Variants in MACROD1 observed in about 807,000 individuals in gnomAD.
MACROD1 encodes mono-ADP ribosylhydrolase 1, also known as ADP-ribose glycohydrolase MACROD1.
A neutral mutation model predicts 41.4 loss-of-function variants in MACROD1; 31 were observed. That is an observed-to-expected ratio of 0.75 (90% confidence interval 0.56 to 1.01). The LOEUF is 1.01. MACROD1 is among the 50% of genes least tolerant of loss of function. The probability of loss-of-function intolerance (pLI) is 0.00; values close to 1 mark genes in which losing one functional copy is unlikely to be tolerated. For synonymous variants in MACROD1, 252 were observed against 203.4 expected (o/e 1.24, Z -2.03); for missense variants, 473 against 460.0 (o/e 1.03, Z -0.26).
At position 63,999,535 on chromosome 11, in the gene MACROD1, A is replaced by G. The variant is rs948363206; in HGVS notation, c.812T>C (p.Val271Ala). The G allele has an allele frequency of 6.2e-7, 1 of 1,607,936 alleles. No homozygotes were observed. The highest frequency in any genetic ancestry group is 1.3e-5 in the African/African-American group (1 of 74,640). Reference sequence around the variant, plus strand: ...TGCCTTTCTTCCAGACTCACCAAACACGCCGGTGGAGATGCAGGGGAACGC... The same window carrying G: ...TGCCTTTCTTCCAGACTCACCAAACGCGCCGGTGGAGATGCAGGGGAACGC... ...SVAFPCISTG[V>A]FGYPCEAAAE... Residue 271 changes from valine (V) to alanine (A), a missense_variant, in exon 7 of 11, where the codon GTG becomes GCG. Coordinates refer to ENST00000255681, the MANE Select transcript of MACROD1 (RefSeq NM_014067.4).
chr11:64,017,643 C>T (rs760800280), intron 3 of MACROD1, among the ~76,000 whole-genome samples: 5 of 152,082 alleles, frequency 3.3e-5, no homozygotes, highest in South Asian at 2.1e-4. Flanking sequence ...GCTGCAGAGG[C>T]GAGGGCTGGG....
intron 3 of MACROD1, among the ~76,000 whole-genome samples, chr11:64,150,180 C>T (rs1290305569): frequency 1.3e-5 from 2 of 152,238 alleles, no homozygotes; most frequent in African/African-American, 4.8e-5. Flanking sequence ...AGGCCCGGGG[C>T]GGCCGAGTGA....
chr11:64,001,575 A>G (rs1942826453), intron 4 of MACROD1: 1 of 702,212 alleles, frequency 1.4e-6, no homozygotes, highest in African/African-American at 1.7e-5. Flanking sequence ...GGGCACAATT[A>G]AACCTCATTC....
chr11:64,108,659 C>T (rs976965967), intron 3 of MACROD1, among the ~76,000 whole-genome samples: 6 of 152,236 alleles, frequency 3.9e-5, no homozygotes, highest in Non-Finnish European at 5.9e-5. Flanking sequence ...GTCCCACTGG[C>T]CTTTCCCGCT....
chr11:64,117,507 G>T, intron 3 of MACROD1: 1 of 1,609,016 alleles, frequency 6.2e-7, no homozygotes, highest in Non-Finnish European at 8.5e-7. Context: ...TACCCTCAAG[G>T]CCAAAAGGCC....
intron 3 of MACROD1, among the ~76,000 whole-genome samples, chr11:64,102,882 T>C (rs982839868): frequency 2.6e-5 from 4 of 151,744 alleles, no homozygotes; most frequent in African/African-American, 9.7e-5. Flanking sequence ...ATCTGGCCAA[T>C]ATGGTGAAAC....
At chr11:64,093,354 C>T (rs7926637) in intron 3 of MACROD1, among the ~76,000 whole-genome samples, 45,824 of 152,166 alleles carry the variant, frequency 0.3, 8,767 homozygotes, top group Middle Eastern at 0.47. Flanking sequence ...TAAGAGCTCA[C>T]GGCCCATTGG....
At chr11:64,006,578 TTCA>T (rs1445911142) in intron 4 of MACROD1, among the ~76,000 whole-genome samples, 2 of 152,230 alleles carry the variant, frequency 1.3e-5, no homozygotes, top group Non-Finnish European at 2.9e-5. Context: ...CAGTGCCTCA[TTCA>T]TCATGCAAAA....
chr11:64,165,680 C>A lies in MACROD1; in HGVS notation c.298+17G>T. The stretch of plus-strand genomic sequence containing the variant: ...GAGGCCGCCCTCTCCCTCGCGCCCC[C>A]TCGTGCTTACACTTACATTTCGCCT... On this transcript the variant is annotated intron_variant, in intron 1 of 10. Coordinates refer to ENST00000255681, the MANE Select transcript of MACROD1 (RefSeq NM_014067.4). 2.8e-6 allele frequency: 4 copies of A among 1,405,188 alleles called. No homozygotes were observed. The highest frequency in any genetic ancestry group is 1.5e-5 in the African/African-American group (1 of 67,328). The allele number at this position is 1,405,188 out of a possible 1,614,324, so 87.0% of individuals were successfully genotyped here. A position where few individuals can be genotyped will look rare whatever the true frequency, so the allele number is the denominator to read the frequency against.
chr11:64,001,337 G>T, intron 4 of MACROD1: 2 of 668,820 alleles, frequency 3.0e-6, no homozygotes, highest in South Asian at 1.6e-5. Context: ...CGTGCTGGCC[G>T]GGAGGACAGG....
chr11:64,135,186 C>T (rs777520091), intron 3 of MACROD1, among the ~76,000 whole-genome samples: 10 of 152,228 alleles, frequency 6.6e-5, no homozygotes, highest in South Asian at 2.1e-4. Context: ...CTGGCATACC[C>T]GGGCATCGCA....
intron 3 of MACROD1, among the ~76,000 whole-genome samples, chr11:64,030,233 C>T (rs1442716512): frequency 1.3e-5 from 2 of 151,536 alleles, no homozygotes; most frequent in South Asian, 2.1e-4. Flanking sequence ...GTGCATCTGG[C>T]CCCCCAGAAC....
intron 3 of MACROD1, among the ~76,000 whole-genome samples, chr11:64,142,766 G>GC (rs1328118011): frequency 6.6e-6 from 1 of 152,060 alleles, no homozygotes; most frequent in African/African-American, 2.4e-5. Flanking sequence ...ATCCTGACTG[G>GC]CCCCCCTGAT....
intron 3 of MACROD1, among the ~76,000 whole-genome samples, chr11:64,135,208 G>T (rs1208622125): frequency 6.6e-6 from 1 of 152,252 alleles, no homozygotes; most frequent in African/African-American, 2.4e-5. Flanking sequence ...AGGACAGAAT[G>T]ACTCTCGCCA....
chr11:64,064,949 G>A lies in MACROD1; in HGVS notation c.518-49668C>T, dbSNP rs1943969708. On this transcript the variant is annotated intron_variant, in intron 3 of 10. Coordinates refer to ENST00000255681, the MANE Select transcript of MACROD1 (RefSeq NM_014067.4). This position sits in a 1 kb window ranked among gnomAD's most constrained non-coding sequence, Gnocchi z 4.5. Reference sequence around the variant, plus strand: ...AGGCAGGAGGGCCACCATGGTGACTGAGACAGACTCAGGGTCTTTCCCTAC... The same window carrying A: ...AGGCAGGAGGGCCACCATGGTGACTAAGACAGACTCAGGGTCTTTCCCTAC... Among the ~76,000 whole-genome samples, 1 of 151,278 alleles carries A rather than the reference G, an allele frequency of 6.6e-6. No individual in the cohort carries two copies. The highest frequency in any genetic ancestry group is 1.5e-5 in the Non-Finnish European group (1 of 67,788).
chr11:64,130,399 T>A (rs1040109205), intron 3 of MACROD1, among the ~76,000 whole-genome samples: 1 of 152,144 alleles, frequency 6.6e-6, no homozygotes, highest in Non-Finnish European at 1.5e-5. Context: ...TGCCCTTACC[T>A]GGCTACCACT....
rs1257139287 is a variant in MACROD1, at chr11:63,999,559, G to A, written c.788C>T (p.Ala263Val). The A allele has an allele frequency of 6.2e-7, 1 of 1,610,114 alleles. No homozygotes were observed. The highest frequency in any genetic ancestry group is 1.3e-5 in the African/African-American group (1 of 75,022). ...LLLEHRLRSV[A>V]FPCISTGVFG... ...CACGCCGGTGGAGATGCAGGGGAAC[G>A]CCTGGGCGGGGAGGGGTGAGAGGGG... is the stretch of plus-strand genomic sequence containing the variant. The change falls in exon 7 of 11, where the codon GCG (alanine) becomes GTG (valine). Residue 263 changes from alanine to valine, a missense_variant and splice_region_variant. Ala to Val is a moderately conservative substitution (Grantham distance 64). Transcript: ENST00000255681.
chr11:64,000,421 C>A, intron 4 of MACROD1, 78 bp from the exon 5 acceptor site: 3 of 992,184 alleles, frequency 3.0e-6, no homozygotes, highest in Non-Finnish European at 4.2e-6. Flanking sequence ...TCCCGAGAAG[C>A]CCCTCGGCGA....
intron 3 of MACROD1, among the ~76,000 whole-genome samples, chr11:64,024,305 T>C (rs898763982): frequency 2.6e-5 from 4 of 152,248 alleles, no homozygotes; most frequent in Non-Finnish European, 4.4e-5. Flanking sequence ...GTGCTTTGCA[T>C]TGGGCCAAGT....
Sources: allele counts gnomAD v4.1 joint callset (sites outside exome capture counted in the v4.1 genomes callset), GRCh38; gene constraint gnomAD v4.1.1; non-coding constraint Gnocchi (gnomAD v3.1); transcripts MANE v1.5; gene names NCBI Gene and HGNC (gene_info 2026-07-23, HGNC 2026-07-21).